FGD6: variants seen among roughly 807,000 people sequenced by gnomAD.
FGD6 encodes FYVE, RhoGEF and PH domain-containing protein 6.
Under a neutral mutation model 149.4 loss-of-function variants are expected in FGD6, and 90 were observed. The ratio of observed to expected loss-of-function variants is 0.60; its 90% confidence interval spans 0.51 to 0.72. The LOEUF (loss-of-function observed/expected upper bound fraction) is 0.72. Among genes scored for constraint, FGD6 ranks in the 30% least tolerant of loss-of-function variants. The pLI is 0.00. For synonymous variants in FGD6, 527 were observed against 584.0 expected (o/e 0.90, Z 1.41); for missense variants, 1,437 against 1,684.8 (o/e 0.85, Z 2.57).
chr12:95,215,405 T>C (rs768291627), intron 1 of FGD6, among the ~76,000 whole-genome samples: 13 of 152,204 alleles, frequency 8.5e-5, no homozygotes, highest in Non-Finnish European at 1.3e-4. Flanking sequence ...AATTTGACTA[T>C]TGTTCCCAAA....
chr12:95,137,453 G>C (rs1219137593), intron 7 of FGD6, 69 bp downstream of exon 7: 20 of 1,316,708 alleles, frequency 1.5e-5, no homozygotes, highest in Non-Finnish European at 2.0e-5. Flanking sequence ...TTCAATGACT[G>C]CAACTTGTTA....
intron 1 of FGD6, among the ~76,000 whole-genome samples, chr12:95,214,392 A>G (rs1056594645): frequency 1.3e-5 from 2 of 152,262 alleles, no homozygotes; most frequent in Non-Finnish European, 2.9e-5. Flanking sequence ...CAAGTGTTCA[A>G]CTAAGTCACT....
chr12:95,162,826 T>C (rs1880686627), intron 3 of FGD6, among the ~76,000 whole-genome samples: 1 of 152,186 alleles, frequency 6.6e-6, no homozygotes, highest in African/African-American at 2.4e-5. Flanking sequence ...TTTGTCCCCA[T>C]AGTCACCTTT....
chr12:95,087,519 G>T (rs1357044643), intron 18 of FGD6, among the ~76,000 whole-genome samples: 2 of 152,142 alleles, frequency 1.3e-5, no homozygotes, highest in African/African-American at 4.8e-5. Flanking sequence ...AGAAGGCAAG[G>T]CCCCCAGTCT....
chr12:95,209,459 T>C lies in FGD6; in HGVS notation c.1825A>G (p.Met609Val), dbSNP rs779820448. Residue 609 changes from methionine (M) to valine (V), a missense_variant, in exon 2 of 21, where the codon ATG becomes GTG. Coordinates refer to ENST00000343958, the MANE Select transcript of FGD6 (RefSeq NM_018351.4). ...GGCTTAGTGCACTTTTCCACATCCA[T>C]AGCAGATAACGATTTTGCTCTGGGC... ...TKPRAKSLSA[M>V]DVEKCTKPCK... is the part of the protein sequence containing the mutation. 1.4e-5 allele frequency: 22 copies of C among 1,612,202 alleles called. No individual in the cohort carries two copies. The South Asian group carries it at 2.0e-4, about 15-fold the overall frequency.
intron 14 of FGD6, among the ~76,000 whole-genome samples, chr12:95,102,071 T>C (rs61270276): frequency 0.73 from 110,615 of 151,126 alleles, 40,664 homozygotes; most frequent in African/African-American, 0.78. Context: ...TTTGGGAGGC[T>C]GAGTGGGGGT....
At chr12:95,082,744 C>T (rs187087760) in intron 20 of FGD6, among the ~76,000 whole-genome samples, 560 of 150,452 alleles carry the variant, frequency 3.7e-3, no homozygotes, top group Non-Finnish European at 5.7e-3. Context: ...ACAATATACA[C>T]AGCTGCAATT....
intron 2 of FGD6, among the ~76,000 whole-genome samples, chr12:95,207,760 T>C (rs1361495278): frequency 6.6e-6 from 1 of 152,180 alleles, no homozygotes; most frequent in Non-Finnish European, 1.5e-5. Flanking sequence ...CAATAAATAG[T>C]TATACATTAA....
At chr12:95,139,472 ATTT>A (rs548647247) in intron 6 of FGD6, among the ~76,000 whole-genome samples, 155 of 143,232 alleles carry the variant, frequency 1.1e-3, no homozygotes, top group Non-Finnish European at 1.8e-3. Context: ...ATAAGCCCCA[ATTT>A]TTTTTTTTTA....
Position 95,124,973 on chromosome 12 carries a change from A to G in FGD6, c.3082+9766T>C, listed in dbSNP as rs538212435. On this transcript the variant is annotated intron_variant, in intron 8 of 20. Transcript: ENST00000343958. ...GCAGTACTAAAGAAGTGCATGCATT[A>G]ATTACTATGTCATGATTAAAAAATA... Among the ~76,000 whole-genome samples the G allele has an allele frequency of 3.3e-5, 5 of 152,338 alleles. 1 individual carries two copies. The highest frequency in any genetic ancestry group is 2.6e-4 in the Admixed American group (4 of 15,298).
intron 15 of FGD6, 68 bp downstream of exon 15, chr12:95,094,524 C>A: frequency 2.9e-6 from 3 of 1,038,788 alleles, no homozygotes; most frequent in Non-Finnish European, 4.4e-6. Context: ...TTCTTAAACC[C>A]CTGTGAAATG....
At chr12:95,089,387 T>G (rs575610701) in intron 18 of FGD6, among the ~76,000 whole-genome samples, 182 bp downstream of exon 18, 1 of 152,368 alleles carries the variant, frequency 6.6e-6, no homozygotes, top group Admixed American at 6.5e-5. Context: ...TCTAAATGAC[T>G]TAGGTCAGAC....
At chr12:95,088,345 A>G (rs1331483134) in intron 18 of FGD6, among the ~76,000 whole-genome samples, 1 of 152,182 alleles carries the variant, frequency 6.6e-6, no homozygotes, top group Non-Finnish European at 1.5e-5. Flanking sequence ...CAACTCATCC[A>G]TGTAACCAAA....
intron 2 of FGD6, among the ~76,000 whole-genome samples, chr12:95,195,504 A>T (rs1345382764): frequency 1.3e-5 from 2 of 151,602 alleles, no homozygotes; most frequent in African/African-American, 4.8e-5. Flanking sequence ...TAGACTAAAA[A>T]CTGAAAGCCT....
rs1881428152 is a variant in FGD6, at chr12:95,186,225, C to CTTTTTTTTTTTTTTT, written c.2442-13482_2442-13481insAAAAAAAAAAAAAAA. 1.8e-4 allele frequency among the ~76,000 whole-genome samples: 13 copies of CTTTTTTTTTTTTTTT among 71,200 alleles called. 5 individuals are homozygous for CTTTTTTTTTTTTTTT. In the East Asian group the frequency reaches 3.4e-3, roughly 18 times the overall value. 46.7% of individuals were successfully genotyped at this position (71,200 alleles called of 152,430 possible). A position where few individuals can be genotyped will look rare whatever the true frequency, so the allele number is the denominator to read the frequency against. On this transcript the variant is annotated intron_variant, in intron 2 of 20. Coordinates refer to ENST00000343958, the MANE Select transcript of FGD6 (RefSeq NM_018351.4). ...AGCTAAGAATGCTTCTTATATTCTT[C>CTTTTTTTTTTTTTTT]TTCTTTTTTTTTTTTTTTTTTTTTT...
chr12:95,082,558 G>A (rs1185898689), intron 20 of FGD6, among the ~76,000 whole-genome samples: 1 of 151,296 alleles, frequency 6.6e-6, no homozygotes, highest in Non-Finnish European at 1.5e-5. Flanking sequence ...TTGGGAGGCT[G>A]AGGCAGGAGA....
chr12:95,140,054 A>ATTTACCC (rs1879799699), intron 6 of FGD6, among the ~76,000 whole-genome samples: 3 of 152,226 alleles, frequency 2.0e-5, no homozygotes, highest in Non-Finnish European at 4.4e-5. Flanking sequence ...CCCAACATAT[A>ATTTACCC]GAGGCAAGAT....
At chr12:95,107,772 A>G in intron 11 of FGD6, 141 bp from the exon 12 acceptor site, 1 of 800,466 alleles carries the variant, frequency 1.2e-6, no homozygotes, top group Non-Finnish European at 2.0e-6. Context: ...TTTTACAGTC[A>G]TAGTTAATTT....
At chr12:95,109,759 C>T (rs74454205) in intron 9 of FGD6, among the ~76,000 whole-genome samples, 1,585 of 152,058 alleles carry the variant, frequency 0.01, 28 homozygotes, top group East Asian at 0.067. Flanking sequence ...CAATTTGGGG[C>T]GCTCAGGTGG....
Sources: gnomAD v4.1 joint callset for allele counts (sites outside exome capture counted in the v4.1 genomes callset) on GRCh38, gnomAD v4.1.1 for gene constraint, MANE v1.5 for transcripts, NCBI Gene and HGNC (gene_info 2026-07-23, HGNC 2026-07-21) for gene names.